Variants in MAP4 observed in about 807,000 individuals in gnomAD.
MAP4 encodes microtubule-associated protein 4.
A neutral mutation model predicts 170.2 loss-of-function variants in MAP4; 76 were observed. That is an observed-to-expected ratio of 0.45 (90% CI 0.37 to 0.54). The LOEUF (loss-of-function observed/expected upper bound fraction) is 0.54, where lower values mean the gene tolerates loss of function less well. MAP4 is among the 20% of genes least tolerant of loss of function. MAP4 has a pLI of 0.00. For missense variants in MAP4, 2,506 were observed against 2,748.0 expected (o/e 0.91, Z 1.97); for synonymous variants, 909 against 994.5 (o/e 0.91, Z 1.62).
intron 3 of MAP4, among the ~76,000 whole-genome samples, chr3:47,938,110 C>A (rs1333027566): frequency 6.6e-6 from 1 of 151,708 alleles, no homozygotes; most frequent in Non-Finnish European, 1.5e-5. Flanking sequence ...GTGGCTCATG[C>A]CTGTAATCCC....
intron 10 of MAP4, among the ~76,000 whole-genome samples, chr3:47,883,655 A>T (rs1171778214): frequency 1.3e-5 from 2 of 152,232 alleles, no homozygotes; most frequent in Non-Finnish European, 2.9e-5. Context: ...TACTAGCAAC[A>T]AATTCTTAGT....
At chr3:48,025,430 A>AG (rs2100112531) in intron 1 of MAP4, among the ~76,000 whole-genome samples, 2 of 151,716 alleles carry the variant, frequency 1.3e-5, no homozygotes, top group Non-Finnish European at 1.5e-5. Flanking sequence ...CGGGCAGTAC[A>AG]GGCGTGCATC....
chr3:47,871,731 C>T (rs1213929410), intron 13 of MAP4, among the ~76,000 whole-genome samples, 186 bp downstream of exon 13: 4 of 152,228 alleles, frequency 2.6e-5, no homozygotes, highest in African/African-American at 7.2e-5. Flanking sequence ...TAAGCTCACA[C>T]AGAGATCAAG....
Position 47,910,797 on chromosome 3 carries a change from C to A in MAP4, c.3624G>T (p.Lys1208Asn). Reference sequence around the variant, plus strand: ...TGCCTTCATTGCCTCTCTTTTTAGGCTTTTCAGAAATCCAGGGAGCTGCCT... The same window carrying A: ...TGCCTTCATTGCCTCTCTTTTTAGGATTTTCAGAAATCCAGGGAGCTGCCT... ...DHEAAPWISE[K>N]PKKRGNEGKS... Residue 1208 changes from lysine to asparagine, a missense_variant, in exon 9 of 21, where the codon AAG becomes AAT. Around this residue, in one of 3 missense-constraint regions of MAP4, gnomAD observed 2,008 missense variants for 2,206.0 expected, o/e 0.91. Coordinates refer to ENST00000683076, the MANE Select transcript of MAP4 (RefSeq NM_001385682.1). 6.5e-7 allele frequency: 1 copy of A among 1,536,036 alleles called. No homozygotes were observed. Among genetic ancestry groups the A allele is most frequent in the Non-Finnish European group, 8.7e-7 (1 of 1,146,880 alleles).
chr3:48,020,516 C>T (rs2154478098), upstream of MAP4, among the ~76,000 whole-genome samples: 2 of 152,152 alleles, frequency 1.3e-5, no homozygotes, highest in South Asian at 4.1e-4. Flanking sequence ...TATGGGAGTA[C>T]TTAACAAGCA....
chr3:47,884,094 G>T (rs781631351), intron 10 of MAP4, among the ~76,000 whole-genome samples: 3 of 152,100 alleles, frequency 2.0e-5, no homozygotes, highest in Non-Finnish European at 1.5e-5. Context: ...TTGCATCCTT[G>T]CTCCTCTCCT....
In MAP4 at chr3:47,870,835, T is replaced by C. The variant is rs1036481316; in HGVS notation, c.6272A>G (p.Lys2091Arg). Reference sequence around the variant, plus strand: ...CACCCGGCCTCCTCCAGGCTGATGCTTGATGTTTTCCGTGGAGCCAACCTT... The same window carrying C: ...CACCCGGCCTCCTCCAGGCTGATGCCTGATGTTTTCCGTGGAGCCAACCTT... ...RSKVGSTENI[K>R]HQPGGGRAKV... is the part of the protein sequence containing the mutation. Residue 2091 changes from lysine (K) to arginine (R), a missense_variant, in exon 15 of 21, where the codon AAG becomes AGG. Lys to Arg is a conservative substitution (Grantham distance 26). Around this residue, in one of 3 missense-constraint regions of MAP4, gnomAD observed 487 missense variants for 511.6 expected, o/e 0.95. Transcript: ENST00000683076. 3 of 1,580,458 alleles carry C rather than the reference T, an allele frequency of 1.9e-6. No individual in the cohort carries two copies. The highest frequency in any genetic ancestry group is 2.6e-6 in the Non-Finnish European group (3 of 1,160,960).
chr3:47,870,639 C>T (rs987875845), intron 15 of MAP4, among the ~76,000 whole-genome samples, 174 bp downstream of exon 15: 8 of 152,188 alleles, frequency 5.3e-5, no homozygotes, highest in African/African-American at 1.9e-4. Flanking sequence ...CAGCCTACCC[C>T]GCCTCCCTGC....
At chr3:48,002,425 G>A (rs1001317494) in intron 1 of MAP4, among the ~76,000 whole-genome samples, 15 of 151,876 alleles carry the variant, frequency 9.9e-5, no homozygotes, top group African/African-American at 3.1e-4. Flanking sequence ...AGCTGGGTAC[G>A]GTGGCATACA....
intron 1 of MAP4, among the ~76,000 whole-genome samples, chr3:48,007,227 G>C (rs915042311): frequency 6.6e-6 from 1 of 152,168 alleles, no homozygotes; most frequent in Non-Finnish European, 1.5e-5. Flanking sequence ...CTAAAATTCA[G>C]GGACCTTCTG....
intron 8 of MAP4, among the ~76,000 whole-genome samples, chr3:47,914,223 T>C (rs2100037397): frequency 6.6e-6 from 1 of 152,206 alleles, no homozygotes; most frequent in Non-Finnish European, 1.5e-5. Context: ...AGTGAATAGC[T>C]GAACCAGATC....
intron 10 of MAP4, among the ~76,000 whole-genome samples, chr3:47,902,305 T>C (rs376799338): frequency 7.2e-5 from 11 of 152,198 alleles, no homozygotes; most frequent in South Asian, 6.2e-4. Context: ...AATGAGTATA[T>C]AGTAAGGTTC....
chr3:47,852,781 C>G lies in MAP4; in HGVS notation c.*153G>C. 6.5e-7 allele frequency: 1 copy of G among 1,547,216 alleles called. No individual in the cohort carries two copies. The highest frequency in any genetic ancestry group is 8.7e-7 in the Non-Finnish European group (1 of 1,146,752). On this transcript the variant is annotated 3_prime_UTR_variant, in exon 21 of 21. Transcript: ENST00000683076. The stretch of plus-strand genomic sequence containing the variant: ...CGGGCTGCCCAGCACGGCGCCCAAG[C>G]GCTCACTGGTCTAGTGGACAGCCCG...
At chr3:48,027,378 A>G (rs1388095987) in intron 1 of MAP4, among the ~76,000 whole-genome samples, 1 of 152,168 alleles carries the variant, frequency 6.6e-6, no homozygotes, top group East Asian at 1.9e-4. Context: ...CACCAAGCCC[A>G]GAGTTCCCTC....
chr3:47,875,943 A>T, intron 11 of MAP4, 43 bp from the exon 12 acceptor site: 6 of 1,350,520 alleles, frequency 4.4e-6, no homozygotes, highest in Non-Finnish European at 6.2e-6. Context: ...TATTTTTTAA[A>T]GGGCAACATC....
intron 10 of MAP4, chr3:47,877,835 C>T (rs2095833186): frequency 5.8e-6 from 1 of 172,786 alleles, no homozygotes. Context: ...GGGACTCTGT[C>T]TTCCAACCAC....
At chr3:48,057,436 A>C (rs7646214) in intron 1 of MAP4, among the ~76,000 whole-genome samples, 5 of 130,050 alleles carry the variant, frequency 3.8e-5, no homozygotes, top group Admixed American at 8.0e-5. Context: ...GTCATCACCA[A>C]TCCCTAATCT....
chr3:48,085,144 C>T (rs898802769), intron 1 of MAP4, among the ~76,000 whole-genome samples: 6 of 144,728 alleles, frequency 4.1e-5, no homozygotes, highest in African/African-American at 1.5e-4. Context: ...TTTCTCACAT[C>T]TTAAGGAAAT....
chr3:48,076,813 T>C (rs890212625), intron 1 of MAP4, among the ~76,000 whole-genome samples: 1 of 152,100 alleles, frequency 6.6e-6, no homozygotes, highest in Admixed American at 6.6e-5. Context: ...AAGAAAAAAC[T>C]AGATAAACTG....
Sources: allele counts gnomAD v4.1 joint callset (sites outside exome capture counted in the v4.1 genomes callset), GRCh38; gene constraint gnomAD v4.1.1; regional missense constraint gnomAD v4.1.1; transcripts MANE v1.5; gene names NCBI Gene and HGNC (gene_info 2026-07-23, HGNC 2026-07-21).